Variants in TRPC4 observed in about 807,000 individuals in gnomAD.
TRPC4 encodes transient receptor potential cation channel subfamily C member 4, also known as short transient receptor potential channel 4.
Under a neutral mutation model 99.4 loss-of-function variants are expected in TRPC4, and 49 were observed. That is an observed-to-expected ratio of 0.49 (90% CI 0.39 to 0.63). TRPC4 has a LOEUF of 0.63. TRPC4 is among the 20% of genes least tolerant of loss of function. The pLI is 0.00. For missense variants in TRPC4, 898 were observed against 1,152.9 expected (o/e 0.78, Z 3.20); for synonymous variants, 454 against 425.9 (o/e 1.07, Z -0.81).
At chr13:37,784,934 A>G (rs2139359268) in intron 1 of TRPC4, among the ~76,000 whole-genome samples, 1 of 152,220 alleles carries the variant, frequency 6.6e-6, no homozygotes, top group African/African-American at 2.4e-5. Flanking sequence ...TCTCTCTGGC[A>G]TATTAAACAT....
At chr13:37,751,226 G>A (rs187576390) in intron 2 of TRPC4, among the ~76,000 whole-genome samples, 31 of 152,108 alleles carry the variant, frequency 2.0e-4, no homozygotes, top group African/African-American at 7.2e-4. Flanking sequence ...CGTATCCTCC[G>A]GAGCTCCTGT....
chr13:37,658,809 A>T (rs2985168), intron 6 of TRPC4, among the ~76,000 whole-genome samples: 1 of 152,186 alleles, frequency 6.6e-6, no homozygotes, highest in Middle Eastern at 3.2e-3. Context: ...AGGAGGAAGT[A>T]TGTATTCACT....
At chr13:37,827,621 CTG>C (rs1958274262) in intron 1 of TRPC4, among the ~76,000 whole-genome samples, 1 of 152,188 alleles carries the variant, frequency 6.6e-6, no homozygotes, top group Non-Finnish European at 1.5e-5. Context: ...AGGAGGCAGT[CTG>C]CCCATTCTCA....
chr13:37,782,874 TAA>T (rs754844763), intron 2 of TRPC4, 80 bp downstream of exon 2: 845 of 962,574 alleles, frequency 8.8e-4, no homozygotes, highest in South Asian at 1.5e-3. Flanking sequence ...TTTGAAAATC[TAA>T]AAAAAAAAAA....
At chr13:37,751,084 A>G (rs1439278097) in intron 2 of TRPC4, among the ~76,000 whole-genome samples, 1 of 152,074 alleles carries the variant, frequency 6.6e-6, no homozygotes, top group African/African-American at 2.4e-5. Context: ...GTAGTCTACC[A>G]GCAGCCTCCA....
intron 1 of TRPC4, among the ~76,000 whole-genome samples, chr13:37,803,620 T>C (rs1252031914): frequency 6.6e-6 from 1 of 152,082 alleles, no homozygotes; most frequent in Non-Finnish European, 1.5e-5. Flanking sequence ...AGGGACTAAG[T>C]CAGATATGGC....
chr13:37,855,289 C>G (rs1288103339), intron 1 of TRPC4, among the ~76,000 whole-genome samples: 1 of 137,118 alleles, frequency 7.3e-6, no homozygotes, highest in Admixed American at 7.2e-5. Context: ...CAACAGGATA[C>G]AATGTAGATA....
intron 10 of TRPC4, among the ~76,000 whole-genome samples, chr13:37,638,143 C>T (rs534974081): frequency 3.1e-4 from 47 of 152,188 alleles, no homozygotes; most frequent in South Asian, 1.9e-3. Context: ...GGAATTTCTT[C>T]GGATCTAACA....
chr13:37,779,547 T>C (rs1956786146), intron 2 of TRPC4, among the ~76,000 whole-genome samples: 1 of 152,028 alleles, frequency 6.6e-6, no homozygotes, highest in Non-Finnish European at 1.5e-5. Flanking sequence ...TTTCATTACA[T>C]GCTGCATTGA....
intron 1 of TRPC4, among the ~76,000 whole-genome samples, chr13:37,842,702 T>C (rs1398376251): frequency 6.6e-6 from 1 of 152,120 alleles, no homozygotes; most frequent in Non-Finnish European, 1.5e-5. Context: ...CACATAAGGG[T>C]AGACCCCTCA....
In TRPC4 at chr13:37,634,553, T is replaced by C. The variant is rs1226042793; in HGVS notation, c.*2350A>G. ...AATGTCAGCACCTTAACCCCTGATA[T>C]AAATAAGCTACTGGGGGAAAAAAGG... On this transcript the variant is annotated 3_prime_UTR_variant, in exon 11 of 11. Coordinates refer to ENST00000379705, the MANE Select transcript of TRPC4 (RefSeq NM_016179.4). Among the ~76,000 whole-genome samples the C allele has an allele frequency of 6.6e-6, 1 of 152,002 alleles. No individual in the cohort carries two copies. The highest frequency in any genetic ancestry group is 2.4e-5 in the African/African-American group (1 of 41,406).
rs1593419735 is a variant in TRPC4, at chr13:37,644,112, A to G, written c.2080-4813T>C. Among the ~76,000 whole-genome samples the G allele has an allele frequency of 3.3e-5, 5 of 152,336 alleles. No individual in the cohort carries two copies. The East Asian group carries it at 9.6e-4, about 29-fold the overall frequency. ...ATAATATATGTACTCTTTGCAATAA[A>G]CATCACAATAATTTTTGGCAATTAG... On this transcript the variant is annotated intron_variant, in intron 8 of 10. Transcript: ENST00000379705.
At chr13:37,644,689 T>C (rs1951816295) in intron 8 of TRPC4, among the ~76,000 whole-genome samples, 1 of 151,742 alleles carries the variant, frequency 6.6e-6, no homozygotes, top group African/African-American at 2.4e-5. Context: ...GCTAACACGG[T>C]GAAACTCCGT....
intron 1 of TRPC4, among the ~76,000 whole-genome samples, chr13:37,795,697 T>C (rs1957226738): frequency 6.6e-6 from 1 of 152,196 alleles, no homozygotes; most frequent in Admixed American, 6.6e-5. Context: ...GCCTTTGTTT[T>C]TCATAACCAG....
intron 4 of TRPC4, 82 bp from the exon 5 acceptor site, chr13:37,674,449 T>A: frequency 2.1e-6 from 3 of 1,461,376 alleles, no homozygotes; most frequent in Non-Finnish European, 2.8e-6. Context: ...CAATTATAGA[T>A]CTCGAAGCTA....
At chr13:37,639,535 G>A (rs1413950370) in intron 8 of TRPC4, among the ~76,000 whole-genome samples, 4 of 151,924 alleles carry the variant, frequency 2.6e-5, no homozygotes, top group Non-Finnish European at 5.9e-5. Flanking sequence ...CAGAACTGTT[G>A]TTCTCATACA....
chr13:37,696,516 A>G (rs1953909112), intron 3 of TRPC4, among the ~76,000 whole-genome samples: 1 of 152,206 alleles, frequency 6.6e-6, no homozygotes, highest in Non-Finnish European at 1.5e-5. Context: ...TTCAGACTGT[A>G]GTCATTCTCT....
At chr13:37,783,422 T>A (rs1956894945) in intron 1 of TRPC4, 62 bp from the exon 2 acceptor site, 8 of 1,317,144 alleles carry the variant, frequency 6.1e-6, no homozygotes, top group Non-Finnish European at 8.1e-6. Flanking sequence ...TTGTTAAGCA[T>A]CATACTTCTC....
At chr13:37,812,781 C>T (rs540868821) in intron 1 of TRPC4, among the ~76,000 whole-genome samples, 154 of 151,788 alleles carry the variant, frequency 1.0e-3, no homozygotes, top group Admixed American at 3.1e-3. Flanking sequence ...ATCCCAAGCA[C>T]GAGAAACATA....
Sources: gnomAD v4.1 joint callset for allele counts (sites outside exome capture counted in the v4.1 genomes callset) on GRCh38, gnomAD v4.1.1 for gene constraint, MANE v1.5 for transcripts, NCBI Gene and HGNC (gene_info 2026-07-23, HGNC 2026-07-21) for gene names.